TANC2: variants seen among roughly 807,000 people sequenced by gnomAD.
TANC2 encodes the protein tetratricopeptide repeat, ankyrin repeat and coiled-coil containing 2.
A neutral mutation model predicts 210.5 loss-of-function variants in TANC2; 26 were observed. The ratio of observed to expected loss-of-function variants is 0.12; its 90% confidence interval spans 0.09 to 0.17. TANC2 has a LOEUF of 0.17. TANC2 is among the 10% of genes least tolerant of loss of function. TANC2 has a pLI of 1.00. For synonymous variants in TANC2, 931 were observed against 967.1 expected, an observed-to-expected ratio of 0.96 and a Z score of 0.69; for missense variants, 2,129 against 2,608.9, an observed-to-expected ratio of 0.82 and a Z score of 4.01.
intron 5 of TANC2, among the ~76,000 whole-genome samples, chr17:63,155,985 C>G (rs1417455947): frequency 6.6e-6 from 1 of 152,060 alleles, no homozygotes; most frequent in Non-Finnish European, 1.5e-5. Flanking sequence ...CCATTAAAAT[C>G]AAAGGATGAT....
At chr17:63,343,072 A>AT (rs956549770) in intron 12 of TANC2, among the ~76,000 whole-genome samples, 1 of 151,696 alleles carries the variant, frequency 6.6e-6, no homozygotes, top group African/African-American at 2.4e-5. Flanking sequence ...AAAGAAGAAT[A>AT]TTTTTTTTAG....
chr17:63,001,530 CTT>C (rs534398376), intron 1 of TANC2, among the ~76,000 whole-genome samples: 202 of 140,144 alleles, frequency 1.4e-3, no homozygotes, highest in African/African-American at 5.0e-3. Flanking sequence ...CTTTTCTTTT[CTT>C]TTTTTTTTTT....
chr17:63,129,753 T>G (rs1236657500), intron 4 of TANC2, among the ~76,000 whole-genome samples: 2 of 152,114 alleles, frequency 1.3e-5, no homozygotes, highest in African/African-American at 2.4e-5. Context: ...CACCACCTTA[T>G]ATTTTCTTTA....
chr17:63,175,396 G>A (rs1305883686), intron 5 of TANC2, among the ~76,000 whole-genome samples: 2 of 151,978 alleles, frequency 1.3e-5, no homozygotes, highest in African/African-American at 4.8e-5. Context: ...GTGCAGTGCT[G>A]TGTGCCTGTA....
chr17:63,411,714 G>T lies in TANC2; in HGVS notation c.3765+28G>T. 1.9e-6 allele frequency: 3 copies of T among 1,586,188 alleles called. No homozygotes were observed. The East Asian group carries it at 6.7e-5, about 35-fold the overall frequency. On this transcript the variant is annotated intron_variant, in intron 22 of 27. Coordinates refer to ENST00000689528, the Ensembl canonical transcript of TANC2. ...AAGTACCTTTAAACAAGCCTCAAGA[G>T]AGCAGAGAGAGGGGCTATTCTCCAT...
intron 8 of TANC2, among the ~76,000 whole-genome samples, chr17:63,259,312 C>T (rs2043291020): frequency 6.6e-6 from 1 of 152,148 alleles, no homozygotes; most frequent in African/African-American, 2.4e-5. Flanking sequence ...GACGTTAGCA[C>T]TCCCTTGGCC....
intron 3 of TANC2, among the ~76,000 whole-genome samples, chr17:63,091,755 A>T (rs1444104203): frequency 4.6e-5 from 7 of 152,136 alleles, no homozygotes; most frequent in Non-Finnish European, 7.4e-5. Flanking sequence ...GAAGAAAATC[A>T]TTGGTAGCTT....
intron 2 of TANC2, among the ~76,000 whole-genome samples, chr17:63,046,670 CATT>C (rs1431919051): frequency 6.6e-6 from 1 of 151,868 alleles, no homozygotes; most frequent in African/African-American, 2.4e-5. Context: ...GTTTCATTGC[CATT>C]ATTATTATAA....
intron 9 of TANC2, among the ~76,000 whole-genome samples, chr17:63,284,359 G>T (rs945150612): frequency 4.6e-5 from 7 of 151,868 alleles, no homozygotes; most frequent in African/African-American, 1.5e-4. Context: ...TTACTGTTCT[G>T]TATTTATGTT....
chr17:63,123,683 CTTTTTTTTTTTT>C (rs957485298), intron 4 of TANC2, among the ~76,000 whole-genome samples: 9 of 93,890 alleles, frequency 9.6e-5, no homozygotes, highest in African/African-American at 1.3e-4. Flanking sequence ...TAGGTAAAAT[CTTTTTTTTTTTT>C]TTTTTTTTTT....
intron 1 of TANC2, among the ~76,000 whole-genome samples, chr17:62,972,013 T>C (rs1051451606): frequency 7.2e-5 from 11 of 152,208 alleles, no homozygotes; most frequent in African/African-American, 2.4e-4. Context: ...CAAGGTAATA[T>C]TAGATGGAGA....
intron 13 of TANC2, among the ~76,000 whole-genome samples, chr17:63,352,598 T>C (rs924464567): frequency 6.6e-6 from 1 of 152,194 alleles, no homozygotes; most frequent in Non-Finnish European, 1.5e-5. Context: ...GATGTTATCC[T>C]CATACATATT....
At chr17:63,223,418 G>A (rs963259760) in intron 7 of TANC2, among the ~76,000 whole-genome samples, 1 of 152,156 alleles carries the variant, frequency 6.6e-6, no homozygotes, top group Non-Finnish European at 1.5e-5. Flanking sequence ...GCCCAGAGGA[G>A]CAGAGTACAG....
At chr17:63,163,756 C>T (rs1220550899) in intron 5 of TANC2, among the ~76,000 whole-genome samples, 3 of 152,158 alleles carry the variant, frequency 2.0e-5, no homozygotes, top group Non-Finnish European at 4.4e-5. Context: ...CGTAGTTTAG[C>T]GTAGCTCATT....
intron 6 of TANC2, among the ~76,000 whole-genome samples, chr17:63,199,493 G>A (rs2041457614): frequency 6.6e-6 from 1 of 151,818 alleles, no homozygotes; most frequent in Non-Finnish European, 1.5e-5. Flanking sequence ...ATATTTGGCG[G>A]CTGTAATCCC....
intron 12 of TANC2, among the ~76,000 whole-genome samples, chr17:63,349,286 TATTC>T (rs2046519147): frequency 1.3e-5 from 2 of 152,226 alleles, no homozygotes; most frequent in African/African-American, 4.8e-5. Context: ...GCAAATGAAT[TATTC>T]ATTCATTAAA....
At chr17:63,170,056 T>A (rs1351215091) in intron 5 of TANC2, among the ~76,000 whole-genome samples, 1 of 150,608 alleles carries the variant, frequency 6.6e-6, no homozygotes, top group African/African-American at 2.4e-5. Flanking sequence ...GAGGCGGCAC[T>A]TGCAGTGAGC....
chr17:63,414,017 A>C (rs940468671), intron 25 of TANC2: 3 of 157,330 alleles, frequency 1.9e-5, no homozygotes, highest in African/African-American at 7.2e-5. Flanking sequence ...ACATAGATTA[A>C]AAAGTATATA....
chr17:63,296,397 A>C (rs887534900), intron 9 of TANC2, among the ~76,000 whole-genome samples: 1 of 152,196 alleles, frequency 6.6e-6, no homozygotes, highest in Non-Finnish European at 1.5e-5. Flanking sequence ...TAAAGGGACA[A>C]CAGTAGGGCC....
Sources: allele counts gnomAD v4.1 joint callset (sites outside exome capture counted in the v4.1 genomes callset), GRCh38; gene constraint gnomAD v4.1.1; transcripts MANE v1.5; gene names NCBI Gene and HGNC (gene_info 2026-07-23, HGNC 2026-07-21).